Variants in ALK observed in about 807,000 individuals in gnomAD.
ALK encodes ALK tyrosine kinase receptor.
ALK carries 74 observed loss-of-function variants against 163.1 expected under a neutral mutation model. The ratio of observed to expected loss-of-function variants is 0.45; its 90% CI spans 0.38 to 0.55. The LOEUF (loss-of-function observed/expected upper bound fraction) is 0.55, where lower values mean the gene tolerates loss of function less well. Among genes scored for constraint, ALK ranks in the 20% least tolerant of loss-of-function variants. The pLI is 0.00. For missense variants in ALK, 2,063 were observed against 2,105.3 expected, an observed-to-expected ratio of 0.98 and a Z score of 0.39; for synonymous variants, 960 against 843.2, an observed-to-expected ratio of 1.14 and a Z score of -2.40.
chr2:29,817,857 G>A (rs1363302937), intron 1 of ALK, among the ~76,000 whole-genome samples: 2 of 152,204 alleles, frequency 1.3e-5, no homozygotes, highest in Non-Finnish European at 2.9e-5. Flanking sequence ...ACTTGGGCCA[G>A]GGAACTAGAG....
chr2:29,318,711 C>A (rs1027184435), intron 7 of ALK, among the ~76,000 whole-genome samples: 11 of 152,016 alleles, frequency 7.2e-5, no homozygotes, highest in Non-Finnish European at 1.5e-4. Context: ...ACTACACAGG[C>A]GCCTGCCACC....
At chr2:29,894,233 C>T (rs1369375902) in intron 1 of ALK, among the ~76,000 whole-genome samples, 2 of 152,048 alleles carry the variant, frequency 1.3e-5, no homozygotes, top group Non-Finnish European at 2.9e-5. Flanking sequence ...ATGGTAGCCC[C>T]CAGTGAATAT....
chr2:29,327,341 C>G (rs1247736133), intron 6 of ALK, among the ~76,000 whole-genome samples: 1 of 152,208 alleles, frequency 6.6e-6, no homozygotes, highest in East Asian at 1.9e-4. Flanking sequence ...GGAAAGATGA[C>G]CAGACTCAAA....
chr2:29,392,998 C>T (rs13391086), intron 4 of ALK, among the ~76,000 whole-genome samples: 147 of 1,210 alleles, frequency 0.12, 1 homozygote, highest in East Asian at 0.2. Flanking sequence ...TCACTGAATG[C>T]TCAAGGTCAC....
intron 1 of ALK, among the ~76,000 whole-genome samples, chr2:29,750,138 C>T (rs187834154): frequency 5.5e-4 from 84 of 152,296 alleles, no homozygotes; most frequent in Non-Finnish European, 1.5e-4. Flanking sequence ...CATTGCTTAA[C>T]GATGGGGATT....
chr2:29,297,118 A>C, intron 8 of ALK, 61 bp from the exon 9 acceptor site: 2 of 1,605,790 alleles, frequency 1.2e-6, no homozygotes, highest in Non-Finnish European at 1.7e-6. Flanking sequence ...CCTTTCTGGA[A>C]TTCTCCACTG....
intron 9 of ALK, among the ~76,000 whole-genome samples, chr2:29,292,136 CTATG>C (rs995280167): frequency 6.6e-6 from 1 of 152,170 alleles, no homozygotes; most frequent in African/African-American, 2.4e-5. Flanking sequence ...TCTTGTTAGA[CTATG>C]TATGTAGTGT....
At position 29,920,249 on chromosome 2, in the gene ALK, A is replaced by C. The variant is rs2148443330; in HGVS notation, c.411T>G (p.Arg137=). Reference sequence around the variant, plus strand: ...CCAGCTCCAGCACCAACTGCTTGGCACGCCGGAGCTTGCGCACGGAGCCGC... The same window carrying C: ...CCAGCTCCAGCACCAACTGCTTGGCCCGCCGGAGCTTGCGCACGGAGCCGC... ...LKGGSVRKLR[R]AKQLVLELGE... Residue 137 remains arginine, a synonymous_variant, in exon 1 of 29, where the codon CGT becomes CGG. Coordinates refer to ENST00000389048, the MANE Select transcript of ALK (RefSeq NM_004304.5). 1 of 1,608,340 alleles carries C rather than the reference A, an allele frequency of 6.2e-7. No homozygotes were observed. The highest frequency in any genetic ancestry group is 1.3e-5 in the African/African-American group (1 of 74,994).
chr2:29,200,368 G>C (rs781256745), intron 26 of ALK, among the ~76,000 whole-genome samples: 5 of 152,114 alleles, frequency 3.3e-5, no homozygotes, highest in Non-Finnish European at 7.4e-5. Flanking sequence ...TTAGTTTAGA[G>C]TTCAAGGGAG....
At chr2:29,401,144 C>T (rs1002553984) in intron 4 of ALK, among the ~76,000 whole-genome samples, 16 of 152,158 alleles carry the variant, frequency 1.1e-4, no homozygotes, top group African/African-American at 3.6e-4. Flanking sequence ...ACCCTCAGCT[C>T]CTGTCTCAGC....
intron 4 of ALK, among the ~76,000 whole-genome samples, chr2:29,521,197 C>T (rs1250960129): frequency 6.6e-6 from 1 of 152,164 alleles, no homozygotes; most frequent in East Asian, 1.9e-4. Context: ...TAGGGTGGAG[C>T]AAGGTCCTGG....
intron 12 of ALK, among the ~76,000 whole-genome samples, chr2:29,240,776 C>T (rs761801635): frequency 3.9e-5 from 6 of 152,188 alleles, no homozygotes; most frequent in Admixed American, 1.3e-4. Context: ...GTCTTGAAGA[C>T]AGCTAACGCA....
chr2:29,817,848 C>A (rs1434379795), intron 1 of ALK, among the ~76,000 whole-genome samples: 1 of 152,216 alleles, frequency 6.6e-6, no homozygotes, highest in Non-Finnish European at 1.5e-5. Context: ...GAGGCCTTAA[C>A]TTGGGCCAGG....
chr2:29,679,001 G>A (rs143045229), intron 3 of ALK, among the ~76,000 whole-genome samples: 1 of 151,870 alleles, frequency 6.6e-6, no homozygotes, highest in Non-Finnish European at 1.5e-5. Context: ...GAATTGTCTT[G>A]TTTCCCCTTT....
At chr2:29,444,408 G>T (rs1360310080) in intron 4 of ALK, among the ~76,000 whole-genome samples, 5 of 152,162 alleles carry the variant, frequency 3.3e-5, no homozygotes, top group Non-Finnish European at 7.3e-5. Flanking sequence ...TTGGGAGCTA[G>T]GTCAGCCCAA....
chr2:29,888,129 C>T (rs1394754373), intron 1 of ALK, among the ~76,000 whole-genome samples: 1 of 151,982 alleles, frequency 6.6e-6, no homozygotes, highest in Admixed American at 6.6e-5. Context: ...TAGTTGCTAA[C>T]TAGTAAATAT....
chr2:29,411,990 A>G (rs1669735766), intron 4 of ALK, among the ~76,000 whole-genome samples: 1 of 152,216 alleles, frequency 6.6e-6, no homozygotes, highest in African/African-American at 2.4e-5. Flanking sequence ...AGATGTTGTA[A>G]TCCTTCCAGA....
chr2:29,531,526 C>T (rs1429123556), intron 4 of ALK, among the ~76,000 whole-genome samples: 1 of 152,172 alleles, frequency 6.6e-6, no homozygotes, highest in East Asian at 1.9e-4. Context: ...TGTCCTTTCC[C>T]TTCCTGCCCA....
At chr2:29,692,261 T>G (rs1476663937) in intron 3 of ALK, among the ~76,000 whole-genome samples, 1 of 152,136 alleles carries the variant, frequency 6.6e-6, no homozygotes, top group Non-Finnish European at 1.5e-5. Context: ...AATACCAATA[T>G]ATTACTAGAG....
Sources: gnomAD v4.1 joint callset for allele counts (sites outside exome capture counted in the v4.1 genomes callset) on GRCh38, gnomAD v4.1.1 for gene constraint, MANE v1.5 for transcripts, NCBI Gene and HGNC (gene_info 2026-07-23, HGNC 2026-07-21) for gene names.